The following HELZ2 variants were observed in gnomAD, a reference collection of about 807,000 sequenced individuals.
HELZ2 encodes helicase with zinc finger 2.
A neutral mutation model predicts 208.8 loss-of-function variants in HELZ2; 143 were observed. That is an observed-to-expected ratio of 0.68 (90% CI 0.60 to 0.79). HELZ2 has a LOEUF of 0.79. Among genes scored for constraint, HELZ2 ranks in the 30% least tolerant of loss-of-function variants. The pLI, the probability that HELZ2 is intolerant of heterozygous loss-of-function variation, is 0.00. For missense variants in HELZ2, 3,690 were observed against 3,794.5 expected (o/e 0.97, Z 0.72); for synonymous variants, 1,705 against 1,693.7 (o/e 1.01, Z -0.16).
downstream of HELZ2, chr20:63,559,150 G>A: frequency 7.5e-7 from 1 of 1,328,816 alleles, no homozygotes; most frequent in Non-Finnish European, 1.0e-6. Context: ...GAGGCAGGCT[G>A]GCCCAGGCAG....
At chr20:63,560,753 A>AG (rs754863902) in intron 15 of HELZ2, 42 bp downstream of exon 16, 1 of 1,604,740 alleles carries the variant, frequency 6.2e-7, no homozygotes, top group Non-Finnish European at 8.5e-7. Context: ...GTGGCCCCCC[A>AG]GGGGCTGCAG....
chr20:63,560,480 AC>A lies in HELZ2; in HGVS notation c.7498del (p.Val2500TrpfsTer8). Reference sequence around the variant, plus strand: ...GACTCACAGGCACCAGACACTCACCACCTCAGCCACCTCCTCCAGGTTGGCC... The same window carrying A: ...GACTCACAGGCACCAGACACTCACCACTCAGCCACCTCCTCCAGGTTGGCC... On this transcript the variant is annotated frameshift_variant and splice_region_variant, in exon 16 of 19. Coordinates refer to ENST00000467148, the Ensembl canonical transcript of HELZ2. LOFTEE classifies it high-confidence loss of function. 6.2e-7 allele frequency: 1 copy of A among 1,609,508 alleles called. No individual in the cohort carries two copies. The highest frequency in any genetic ancestry group is 8.5e-7 in the Non-Finnish European group (1 of 1,179,620).
chr20:63,562,909 G>A (rs2082905345), exon 8 of HELZ2: 9 of 1,597,550 alleles, frequency 5.6e-6, no homozygotes, highest in Admixed American at 1.8e-5. Context: ...CCTCCCAGGA[G>A]ACACTCAGGT....
chr20:63,562,676 T>C, exon 8 of HELZ2: 1 of 1,598,584 alleles, frequency 6.3e-7, no homozygotes, highest in African/African-American at 1.3e-5. Context: ...GTCCCAGTCC[T>C]GCGTCTGCCC....
exon 6 of HELZ2, chr20:63,567,120 C>T (rs777659473): frequency 9.2e-5 from 148 of 1,611,542 alleles, no homozygotes; most frequent in Non-Finnish European, 1.1e-4. Context: ...CAATGGCGTC[C>T]GTGCAGCGGT....
At chr20:63,565,199 A>C (rs776610185) in exon 8 of HELZ2, 1 of 1,608,136 alleles carries the variant, frequency 6.2e-7, no homozygotes, top group Admixed American at 1.7e-5. Context: ...CCACGTGTCC[A>C]TGCGGCACAC....
chr20:63,565,043 C>T (rs1031390031), exon 8 of HELZ2: 10 of 1,563,394 alleles, frequency 6.4e-6, no homozygotes, highest in South Asian at 3.5e-5. Flanking sequence ...CCGGCTGTGC[C>T]GGGCCTCGGC....
At chr20:63,560,817 A>T in exon 15 of HELZ2, 1 of 1,612,804 alleles carries the variant, frequency 6.2e-7, no homozygotes, top group Non-Finnish European at 8.5e-7. Context: ...AGTGTCCAGC[A>T]TATGTGCGTC....
exon 11 of HELZ2, chr20:63,561,858 C>T (rs2082891107): frequency 6.4e-7 from 1 of 1,567,604 alleles, no homozygotes; most frequent in Non-Finnish European, 8.7e-7. Context: ...GGAGGGGCCG[C>T]AGTACAAGAT....
intron 5 of HELZ2, chr20:63,568,147 C>G (rs1286222562): frequency 1.7e-6 from 1 of 590,294 alleles, no homozygotes; most frequent in Admixed American, 3.2e-5. Flanking sequence ...GGGCCAGGGC[C>G]CCGGCAGAGG....
intron 5 of HELZ2, chr20:63,567,936 C>T: frequency 7.1e-6 from 4 of 564,230 alleles, no homozygotes; most frequent in South Asian, 4.6e-5. Context: ...CAGGCTCTTC[C>T]TCCCACTCCC....
rs376849718 is a variant in HELZ2, at chr20:63,570,751, G to A, written c.396C>T (p.Asp132=). The A allele has an allele frequency of 1.1e-4, 157 of 1,478,484 alleles. 1 individual carries two copies. The highest frequency in any genetic ancestry group is 2.8e-4 in the South Asian group (25 of 88,888). 91.6% of individuals were successfully genotyped at this position (1,478,484 alleles called of 1,614,324 possible). The change falls in exon 2 of 19, where the codon GAC becomes GAT. Residue 132 remains aspartate (D), a synonymous_variant. Transcript: ENST00000467148. ...GCCGCTCCTGGTAGGGCACCAGCCC[G>A]TCCTGCCAGGCCGCCTGCCCCCGCA... is the stretch of plus-strand genomic sequence containing the variant.
rs2082864966 is a variant in HELZ2 at position 63,559,825 on chromosome 20, AGGGTCAGGTC to A, written c.7825+93_7825+102del. 4 of 1,215,678 alleles carry A rather than the reference AGGGTCAGGTC, an allele frequency of 3.3e-6. No individual in the cohort carries two copies. The Admixed American group carries it at 7.9e-5, about 24-fold the overall frequency. The allele number at this position is 1,215,678 out of a possible 1,614,324, so 75.3% of individuals were successfully genotyped here. On this transcript the variant is annotated intron_variant, in intron 18 of 18. Coordinates refer to ENST00000467148, the Ensembl canonical transcript of HELZ2. ...GAGTCAGGGTCAGGTGGGAGGAGTC[AGGGTCAGGTC>A]GGAGTCAGGGTCAGGCAGGAGTCGG... is the stretch of plus-strand genomic sequence containing the variant.
Position 63,565,231 on chromosome 20 carries a change from C to T in HELZ2, c.3591G>A (p.Arg1197=), listed in dbSNP as rs576982741. ...ACACAAACGCCAGCTCGTGCCTCTT[C>T]CTCTTCAGCACGCCCAGCACGCGGC... The change falls in exon 8 of 19, where the codon AGG becomes AGA. Residue 1197 remains arginine, a synonymous_variant. Transcript: ENST00000467148. 165 of 1,608,256 alleles carry T rather than the reference C, an allele frequency of 1.0e-4. 3 individuals are homozygous for T. The South Asian group carries it at 1.7e-3, about 17-fold the overall frequency.
chr20:63,570,968 G>A lies in HELZ2; in HGVS notation c.279-100C>T, dbSNP rs2083010860. ...AGCCCAATACTGGCCTCTGTAGGGA[G>A]CAGGGGCTTTATTCGTCCCACCCAC... On this transcript the variant is annotated intron_variant, in intron 1 of 18. Transcript: ENST00000467148. The A allele has an allele frequency of 7.5e-6, 7 of 937,966 alleles. No homozygotes were observed. The Admixed American group carries it at 1.7e-4, about 23-fold the overall frequency. 58.1% of individuals were successfully genotyped at this position (937,966 alleles called of 1,614,324 possible). A position where few individuals can be genotyped will look rare whatever the true frequency, so the allele number is the denominator to read the frequency against.
In HELZ2 at chr20:63,561,897, C is replaced by CG. The variant is rs745497383; in HGVS notation, c.6616dup (p.Arg2206ProfsTer42). 217 of 1,575,404 alleles carry CG rather than the reference C, an allele frequency of 1.4e-4. No individual in the cohort carries two copies. The highest frequency in any genetic ancestry group is 4.1e-4 in the Admixed American group (22 of 54,108). ...GGGACCCCCCAGCCGCTTCTCCCCA[C>CG]GGGGGGGGCCTCCGGGCTGCACCTG... On this transcript the variant is annotated frameshift_variant, in exon 11 of 19. Coordinates refer to ENST00000467148, the Ensembl canonical transcript of HELZ2. LOFTEE classifies it high-confidence loss of function.
chr20:63,569,232 C>G, exon 4 of HELZ2: 1 of 1,563,686 alleles, frequency 6.4e-7, no homozygotes. Context: ...TGAGATGGGG[C>G]CCGAGGCCAC....
intron 14 of HELZ2, 55 bp from the exon 16 acceptor site, chr20:63,560,984 C>A: frequency 1.9e-6 from 3 of 1,599,860 alleles, no homozygotes; most frequent in South Asian, 2.2e-5. Flanking sequence ...GGGACCCCAG[C>A]CCCACACGAC....
Position 63,561,482 on chromosome 20 carries a change from C to T in HELZ2, c.6837-16G>A, listed in dbSNP as rs1555888655. 6.3e-6 allele frequency: 10 copies of T among 1,597,568 alleles called. No individual in the cohort carries two copies. In the Middle Eastern group the frequency reaches 8.3e-4, roughly 133 times the overall value. On this transcript the variant is annotated splice_polypyrimidine_tract_variant and intron_variant, in intron 12 of 18. Transcript: ENST00000467148. Reference sequence around the variant, plus strand: ...GGTGATGCTCCTGGGGGACAGGACACAGTGAGCCCTGTCCACGCAGGGCCA... The same window carrying T: ...GGTGATGCTCCTGGGGGACAGGACATAGTGAGCCCTGTCCACGCAGGGCCA...
Sources: gnomAD v4.1 joint callset for allele counts on GRCh38, gnomAD v4.1.1 for gene constraint, MANE v1.5 for transcripts, NCBI Gene and HGNC (gene_info 2026-07-23, HGNC 2026-07-21) for gene names.